TENM3: variants seen among roughly 807,000 people sequenced by gnomAD.
The protein encoded by TENM3 is teneurin transmembrane protein 3.
In TENM3, 63 loss-of-function variants were observed where a neutral mutation model predicts 255.1. That is an observed-to-expected ratio of 0.25 (90% CI 0.20 to 0.30). The LOEUF (loss-of-function observed/expected upper bound fraction) is 0.30, where lower values mean the gene tolerates loss of function less well. Ranked by LOEUF, TENM3 falls within the 10% of genes least tolerant of loss-of-function variation. The probability of loss-of-function intolerance (pLI) is 1.00; values close to 1 mark genes in which losing one functional copy is unlikely to be tolerated. For missense variants in TENM3, 2,929 were observed against 3,461.1 expected (o/e 0.85, Z 3.86); for synonymous variants, 1,306 against 1,322.3 (o/e 0.99, Z 0.27).
the TENM3 span, among the ~76,000 whole-genome samples, chr4:182,074,621 C>T: frequency 6.6e-6 from 1 of 152,112 alleles, no homozygotes; most frequent in African/African-American, 2.4e-5. Flanking sequence ...AAGATGGAAA[C>T]TACAAGATTA....
the TENM3 span, among the ~76,000 whole-genome samples, chr4:181,734,855 C>G: frequency 6.6e-6 from 1 of 152,066 alleles, no homozygotes; most frequent in Non-Finnish European, 1.5e-5. Context: ...ATGGGAATGT[C>G]AAAGAAATGG....
chr4:181,849,226 T>C, the TENM3 span, among the ~76,000 whole-genome samples: 4 of 152,344 alleles, frequency 2.6e-5, no homozygotes, highest in Admixed American at 1.3e-4. Flanking sequence ...AAGACATTAG[T>C]ATAACTGAAA....
chr4:181,640,767 G>C, the TENM3 span, among the ~76,000 whole-genome samples: 169 of 152,316 alleles, frequency 1.1e-3, no homozygotes, highest in African/African-American at 3.8e-3. Context: ...CAGCAGGAGA[G>C]CTCTGGCTTC....
the TENM3 span, among the ~76,000 whole-genome samples, chr4:181,873,745 T>G: frequency 3.0e-4 from 2 of 6,584 alleles, no homozygotes; most frequent in African/African-American, 3.2e-4. Flanking sequence ...GAGTATGGTG[T>G]GTGTGTGTGT....
chr4:181,934,071 T>C, the TENM3 span, among the ~76,000 whole-genome samples: 1 of 148,510 alleles, frequency 6.7e-6, no homozygotes, highest in South Asian at 2.2e-4. Flanking sequence ...TGTGTGTGTG[T>C]GTGTGCGCGC....
the TENM3 span, among the ~76,000 whole-genome samples, chr4:181,956,627 G>A: frequency 6.6e-6 from 1 of 152,164 alleles, no homozygotes; most frequent in Non-Finnish European, 1.5e-5. Flanking sequence ...CTGTGCTGGA[G>A]AGTTACAAGA....
intron 12 of TENM3, among the ~76,000 whole-genome samples, chr4:182,712,968 C>T (rs1758868018): frequency 6.6e-6 from 1 of 152,228 alleles, no homozygotes; most frequent in Non-Finnish European, 1.5e-5. Flanking sequence ...CACTCATAAA[C>T]AAGGACACCA....
chr4:182,605,485 T>TAA (rs10676569), intron 4 of TENM3, among the ~76,000 whole-genome samples: 312 of 142,510 alleles, frequency 2.2e-3, no homozygotes, highest in Middle Eastern at 3.8e-3. Context: ...ATCATTTATT[T>TAA]AAAAAAAAAA....
At chr4:182,099,618 A>T in the TENM3 span, among the ~76,000 whole-genome samples, 1 of 152,150 alleles carries the variant, frequency 6.6e-6, no homozygotes, top group African/African-American at 2.4e-5. Flanking sequence ...CAGCCACACC[A>T]ATCCATTTTC....
At chr4:181,854,436 C>G in the TENM3 span, among the ~76,000 whole-genome samples, 5 of 152,192 alleles carry the variant, frequency 3.3e-5, no homozygotes, top group African/African-American at 4.8e-5. Context: ...ATTTAAGAAC[C>G]AGCAAATGTG....
chr4:182,694,547 T>C (rs1382861303), intron 12 of TENM3, among the ~76,000 whole-genome samples: 2 of 152,236 alleles, frequency 1.3e-5, no homozygotes, highest in Non-Finnish European at 2.9e-5. Context: ...GGCAGTTCAC[T>C]TGGAAATTTG....
chr4:182,384,618 A>G (rs1767787798), intron 3 of TENM3, among the ~76,000 whole-genome samples: 1 of 152,184 alleles, frequency 6.6e-6, no homozygotes, highest in African/African-American at 2.4e-5. Context: ...AGTGCCAGCA[A>G]CATAATAGAT....
chr4:182,245,100 G>A (rs1422634931), intron 1 of TENM3, among the ~76,000 whole-genome samples: 2 of 152,170 alleles, frequency 1.3e-5, no homozygotes, highest in African/African-American at 2.4e-5. Flanking sequence ...TGTTTAATGG[G>A]CAGAGGTCAC....
At chr4:182,780,460 CTTGTAGTATAGT>C (rs1343516013) in intron 24 of TENM3, among the ~76,000 whole-genome samples, 3 of 106,756 alleles carry the variant, frequency 2.8e-5, no homozygotes, top group Non-Finnish European at 5.5e-5. Context: ...TTACTGTAGC[CTTGTAGTATAGT>C]TTGAAGTCAG....
intron 16 of TENM3, among the ~76,000 whole-genome samples, chr4:182,736,221 T>G (rs1045085626): frequency 2.0e-5 from 3 of 152,210 alleles, no homozygotes; most frequent in African/African-American, 7.2e-5. Flanking sequence ...GGGTGTTTTT[T>G]GTTATCCTTA....
chr4:181,901,805 T>C, the TENM3 span, among the ~76,000 whole-genome samples: 4 of 152,084 alleles, frequency 2.6e-5, no homozygotes, highest in Non-Finnish European at 5.9e-5. Flanking sequence ...AAATACCGGG[T>C]ATGTCAGAGT....
the TENM3 span, among the ~76,000 whole-genome samples, chr4:182,036,690 AC>A: frequency 1.3e-5 from 2 of 152,312 alleles, no homozygotes; most frequent in East Asian, 3.9e-4. Context: ...CCACTCGCAC[AC>A]ATTTTGGAAA....
At chr4:181,655,794 A>G in the TENM3 span, among the ~76,000 whole-genome samples, 2 of 152,216 alleles carry the variant, frequency 1.3e-5, no homozygotes, top group Admixed American at 6.5e-5. Flanking sequence ...GATAAAGTAC[A>G]TGGTGTTTTG....
At chr4:182,003,147 C>T in the TENM3 span, among the ~76,000 whole-genome samples, 34 of 152,170 alleles carry the variant, frequency 2.2e-4, no homozygotes, top group African/African-American at 7.5e-4. Flanking sequence ...TAGGAATCAG[C>T]GGGTATTCTT....
Sources: allele counts gnomAD v4.1 joint callset (sites outside exome capture counted in the v4.1 genomes callset), GRCh38; gene constraint gnomAD v4.1.1; transcripts MANE v1.5; gene names NCBI Gene and HGNC (gene_info 2026-07-23, HGNC 2026-07-21).